The following SECISBP2 variants were observed in gnomAD, a reference collection of about 807,000 sequenced individuals.
The protein encoded by SECISBP2 is selenocysteine insertion sequence-binding protein 2.
In SECISBP2, 96 loss-of-function variants were observed where a neutral mutation model predicts 98.2. The observed-to-expected ratio is 0.98, with a 90% confidence interval of 0.83 to 1.16. The LOEUF (loss-of-function observed/expected upper bound fraction) is 1.16. Among genes scored for constraint, SECISBP2 ranks in the 50% most tolerant of loss-of-function variants. The pLI, the probability that SECISBP2 is intolerant of heterozygous loss-of-function variation, is 0.00. For synonymous variants in SECISBP2, 407 were observed against 370.2 expected (o/e 1.10, Z -1.14); for missense variants, 1,046 against 1,022.9 (o/e 1.02, Z -0.31).
At chr9:89,321,078 T>C (rs1825722551) in intron 2 of SECISBP2, among the ~76,000 whole-genome samples, 1 of 152,224 alleles carries the variant, frequency 6.6e-6, no homozygotes, top group African/African-American at 2.4e-5. Context: ...AAACACTACC[T>C]TTATATGCTG....
intron 14 of SECISBP2, among the ~76,000 whole-genome samples, chr9:89,356,305 G>A (rs759857447): frequency 9.2e-5 from 14 of 152,214 alleles, no homozygotes; most frequent in African/African-American, 1.4e-4. Flanking sequence ...TCCCCTGTCC[G>A]TGGAAAAATT....
chr9:89,339,757 T>A, intron 8 of SECISBP2, 107 bp from the exon 9 acceptor site: 1 of 806,078 alleles, frequency 1.2e-6, no homozygotes. Flanking sequence ...TTTTTTTAAA[T>A]CACTTTTAAG....
chr9:89,336,787 T>TTTTTG (rs1432237195), intron 7 of SECISBP2, among the ~76,000 whole-genome samples: 1 of 146,324 alleles, frequency 6.8e-6, no homozygotes, highest in Non-Finnish European at 1.5e-5. Context: ...TTTTTTTTTT[T>TTTTTG]TTGAGATGGA....
chr9:89,319,630 A>C (rs1825343518), intron 1 of SECISBP2, 22 bp from the exon 2 acceptor site: 2 of 1,613,760 alleles, frequency 1.2e-6, no homozygotes, highest in Middle Eastern at 1.6e-4. Flanking sequence ...GTTTGTGGCC[A>C]AAACCTCATA....
chr9:89,332,338 A>ATTAGGGT (rs1827893752), intron 5 of SECISBP2, among the ~76,000 whole-genome samples: 1 of 152,160 alleles, frequency 6.6e-6, no homozygotes, highest in Non-Finnish European at 1.5e-5. Context: ...CCCAAAGCGC[A>ATTAGGGT]TCGTTTGCAT....
At chr9:89,326,386 G>A (rs1293517410) in intron 4 of SECISBP2, among the ~76,000 whole-genome samples, 1 of 152,200 alleles carries the variant, frequency 6.6e-6, no homozygotes, top group Non-Finnish European at 1.5e-5. Context: ...ATAATTAAAT[G>A]AGTGGCTTCA....
At chr9:89,349,092 G>A (rs1259974485) in intron 12 of SECISBP2, among the ~76,000 whole-genome samples, 1 of 152,232 alleles carries the variant, frequency 6.6e-6, no homozygotes, top group African/African-American at 2.4e-5. Context: ...GCCCCAGGGA[G>A]GCTGAGAGTT....
chr9:89,357,889 A>G, intron 15 of SECISBP2, 110 bp from the exon 16 acceptor site: 1 of 1,209,388 alleles, frequency 8.3e-7, no homozygotes, highest in Non-Finnish European at 1.2e-6. Flanking sequence ...TGAGGTCCAC[A>G]TTACCCCATG....
downstream of SECISBP2, chr9:89,362,023 G>A (rs148594433): frequency 2.6e-4 from 101 of 395,914 alleles, 1 homozygote; most frequent in South Asian, 1.6e-3. Context: ...CACTGGGACG[G>A]TGTAGGATCA....
chr9:89,339,258 G>T (rs1444569927), intron 8 of SECISBP2, among the ~76,000 whole-genome samples: 2 of 152,212 alleles, frequency 1.3e-5, no homozygotes, highest in African/African-American at 2.4e-5. Context: ...CAGACTTGGG[G>T]TGGGGGTTCC....
chr9:89,326,560 A>G (rs928984946), intron 4 of SECISBP2, among the ~76,000 whole-genome samples: 2 of 152,242 alleles, frequency 1.3e-5, no homozygotes, highest in African/African-American at 2.4e-5. Context: ...TTGCAATACA[A>G]TAAAATGTCT....
chr9:89,322,070 GTCC>G (rs1243508023), intron 2 of SECISBP2: 5 of 152,114 alleles, frequency 3.3e-5, no homozygotes, highest in Non-Finnish European at 5.9e-5. Context: ...TACAGAATTT[GTCC>G]TCCTCCAGTA....
chr9:89,345,810 G>A (rs76940953), intron 10 of SECISBP2, among the ~76,000 whole-genome samples: 3,773 of 152,248 alleles, frequency 0.025, 159 homozygotes, highest in East Asian at 0.16. Flanking sequence ...GAAGAGCTGA[G>A]AAAAACAATT....
At chr9:89,347,868 G>C (rs533065842) in intron 11 of SECISBP2, among the ~76,000 whole-genome samples, 3 of 152,304 alleles carry the variant, frequency 2.0e-5, no homozygotes, top group Non-Finnish European at 2.9e-5. Flanking sequence ...CTCCCCTGTG[G>C]CTGCTCTGCA....
chr9:89,345,239 C>T (rs922517402), intron 10 of SECISBP2, among the ~76,000 whole-genome samples: 1 of 152,242 alleles, frequency 6.6e-6, no homozygotes, highest in African/African-American at 2.4e-5. Context: ...AAACGGCAGC[C>T]TCAGACTGGC....
At chr9:89,355,942 T>G (rs1276314574) in intron 14 of SECISBP2, among the ~76,000 whole-genome samples, 1 of 152,266 alleles carries the variant, frequency 6.6e-6, no homozygotes, top group East Asian at 1.9e-4. Context: ...TATAGTAAAC[T>G]TTAATACCTG....
chr9:89,363,405 T>C (rs749411920), downstream of SECISBP2: 12 of 1,608,314 alleles, frequency 7.5e-6, no homozygotes, highest in Non-Finnish European at 1.0e-5. Context: ...AGCCCTCCTT[T>C]CTTTGCCCGG....
intron 1 of SECISBP2, among the ~76,000 whole-genome samples, chr9:89,319,399 G>C (rs1050952467): frequency 6.6e-6 from 1 of 151,942 alleles, no homozygotes; most frequent in African/African-American, 2.4e-5. Context: ...TATATAATCT[G>C]TGTTGTTTTA....
chr9:89,318,888 C>G, intron 1 of SECISBP2: 1 of 1,242,810 alleles, frequency 8.0e-7, no homozygotes, highest in Non-Finnish European at 1.0e-6. Flanking sequence ...CGGCGCTCCC[C>G]GCAGTCGGGG....
Sources: allele counts gnomAD v4.1 joint callset (sites outside exome capture counted in the v4.1 genomes callset), GRCh38; gene constraint gnomAD v4.1.1; transcripts MANE v1.5; gene names NCBI Gene and HGNC (gene_info 2026-07-23, HGNC 2026-07-21).